ATP13A2: variants seen among roughly 807,000 people sequenced by gnomAD.
The protein encoded by ATP13A2 is ATPase cation transporting 13A2.
Under a neutral mutation model 138.3 loss-of-function variants are expected in ATP13A2, and 83 were observed. The ratio of observed to expected loss-of-function variants is 0.60; its 90% CI spans 0.50 to 0.72. ATP13A2 has a LOEUF of 0.72. ATP13A2 is among the 30% of genes least tolerant of loss of function. The pLI, the probability that ATP13A2 is intolerant of heterozygous loss-of-function variation, is 0.00. For synonymous variants in ATP13A2, 663 were observed against 699.0 expected (o/e 0.95, Z 0.81); for missense variants, 1,402 against 1,606.4 (o/e 0.87, Z 2.17).
At chr1:16,991,898 G>C (rs1475027417) in intron 19 of ATP13A2, 40 bp from the exon 20 acceptor site, 17 of 1,613,210 alleles carry the variant, frequency 1.1e-5, no homozygotes, top group Non-Finnish European at 1.4e-5. Context: ...TCATGCAGTG[G>C]CCAGGGCCCC....
chr1:17,007,787 G>A lies in ATP13A2; in HGVS notation c.11-2009C>T, dbSNP rs1183815548. On this transcript the variant is annotated intron_variant, in intron 1 of 28. Transcript: ENST00000326735. ...AGGATGGTCTCGATCTCCCGACCTCGTGATCCGCCCGCCTCGGCCTCCCAA... is the reference window on the plus strand; with the variant it reads ...AGGATGGTCTCGATCTCCCGACCTCATGATCCGCCCGCCTCGGCCTCCCAA... Among the ~76,000 whole-genome samples, 6 of 151,918 alleles carry A rather than the reference G, an allele frequency of 3.9e-5. No individual in the cohort carries two copies. In the South Asian group the frequency reaches 8.3e-4, roughly 21 times the overall value.
At position 16,992,312 on chromosome 1, in the gene ATP13A2, C is replaced by T. The variant is rs1294043767; in HGVS notation, c.1936G>A (p.Ala646Thr). 5.0e-6 allele frequency: 8 copies of T among 1,612,218 alleles called. No homozygotes were observed. In the Admixed American group the frequency reaches 1.0e-4, roughly 20 times the overall value. The change falls in exon 18 of 29, where the codon GCC becomes ACC. Residue 646 changes from alanine (A) to threonine (T), a missense_variant. Coordinates refer to ENST00000326735, the MANE Select transcript of ATP13A2 (RefSeq NM_022089.4). Reference protein sequence around the residue: ...RMSVVVAWPGATQPEAYVKGS... With the variant: ...RMSVVVAWPGTTQPEAYVKGS... ...TTGACGTAGGCCTCGGGCTGAGTGG[C>T]CCCTGGCCACGCCACCACCACACTC...
At position 16,986,262 on chromosome 1, in the gene ATP13A2, C is replaced by T. The variant is rs1373598537; in HGVS notation, c.3502G>A (p.Glu1168Lys). 7 of 1,607,790 alleles carry T rather than the reference C, an allele frequency of 4.4e-6. No homozygotes were observed. In the East Asian group the frequency reaches 6.7e-5, roughly 15 times the overall value. ...RFKQLERELAEQPWPPLPAGP... is the reference protein window; with the variant it reads ...RFKQLERELAKQPWPPLPAGP... ...GCGGGCAGCGGCGGCCAGGGCTGCT[C>T]GGCCAGCTCTCGTTCCAGCTGCTTG... The change falls in exon 29 of 29, where the codon GAG (glutamate) becomes AAG (lysine). Residue 1168 changes from glutamate (E) to lysine (K), a missense_variant. Coordinates refer to ENST00000326735, the MANE Select transcript of ATP13A2 (RefSeq NM_022089.4). This position sits in a 1 kb window ranked among gnomAD's most constrained non-coding sequence, Gnocchi z 6.9.
intron 1 of ATP13A2, among the ~76,000 whole-genome samples, chr1:17,010,357 C>T (rs113959843): frequency 5.3e-5 from 8 of 152,266 alleles, no homozygotes; most frequent in South Asian, 4.2e-4. Context: ...GGATTACAGG[C>T]GTGAGCCACC....
In ATP13A2 at chr1:16,987,236, C is replaced by T. The variant is rs1238452991; in HGVS notation, c.2893G>A (p.Ala965Thr). 1 of 1,613,834 alleles carries T rather than the reference C, an allele frequency of 6.2e-7. No individual in the cohort carries two copies. ...NTNLGDLQFL[A>T]IDLVITTTVA... ...GTGGTGGTGATGACCAGGTCGATGG[C>T]CAGGAACTGCAGGTCACCCAGGTTG... The change falls in exon 26 of 29, where the codon GCC (alanine) becomes ACC (threonine). Residue 965 changes from alanine to threonine, a missense_variant. Ala to Thr is a moderately conservative substitution (Grantham distance 58). Transcript: ENST00000326735.
intron 6 of ATP13A2, 104 bp from the exon 7 acceptor site, chr1:17,002,477 G>T (rs1002546231): frequency 1.5e-5 from 20 of 1,349,302 alleles, no homozygotes; most frequent in Non-Finnish European, 2.0e-5. Flanking sequence ...CCCCATCCCC[G>T]TTCTGCCACA....
intron 15 of ATP13A2, among the ~76,000 whole-genome samples, chr1:16,994,271 C>T (rs1369089073): frequency 1.3e-5 from 2 of 151,608 alleles, no homozygotes; most frequent in East Asian, 1.9e-4. Flanking sequence ...CTTGCTCTGT[C>T]GCCCGCGCTG....
chr1:16,987,346 A>C, intron 25 of ATP13A2, 77 bp from the exon 26 acceptor site: 2 of 1,366,716 alleles, frequency 1.5e-6, no homozygotes, highest in Non-Finnish European at 2.1e-6. Context: ...CAGAGGCCCC[A>C]CCCCTGCCCC....
chr1:16,994,256 G>A (rs181881073), intron 15 of ATP13A2, among the ~76,000 whole-genome samples: 1 of 151,220 alleles, frequency 6.6e-6, no homozygotes, highest in East Asian at 1.9e-4. Context: ...TTTTTGAGAT[G>A]GAGTCTTGCT....
chr1:16,990,010 G>A lies in ATP13A2; in HGVS notation c.2413-7C>T, dbSNP rs1294431660. On this transcript the variant is annotated splice_region_variant and splice_polypyrimidine_tract_variant and intron_variant, in intron 21 of 28. Coordinates refer to ENST00000326735, the MANE Select transcript of ATP13A2 (RefSeq NM_022089.4). ...TTGCAGCCTGGTCAGGATCCTGGGG[G>A]CCCAGGAAGCTCAGCTTAGCTCCCC... The A allele has an allele frequency of 6.2e-7, 1 of 1,612,364 alleles. No individual in the cohort carries two copies. Among genetic ancestry groups the A allele is most frequent in the Non-Finnish European group, 8.5e-7 (1 of 1,179,132 alleles).
chr1:17,001,097 T>C (rs1317250714), intron 8 of ATP13A2, among the ~76,000 whole-genome samples: 1 of 151,998 alleles, frequency 6.6e-6, no homozygotes, highest in African/African-American at 2.4e-5. Flanking sequence ...AACCAAGGCA[T>C]GGACAGGTGA....
chr1:17,000,338 T>C (rs1164874336), intron 9 of ATP13A2, 26 bp from the exon 10 acceptor site: 1 of 1,584,982 alleles, frequency 6.3e-7, no homozygotes, highest in African/African-American at 1.3e-5. Flanking sequence ...AAGAGGGCCG[T>C]GAGTGGGTGG....
At chr1:17,000,941 CA>C (rs993624748) in intron 8 of ATP13A2, 61 of 189,420 alleles carry the variant, frequency 3.2e-4, no homozygotes, top group African/African-American at 5.4e-4. Flanking sequence ...GACCCTGTCT[CA>C]AAAAAAATAA....
intron 20 of ATP13A2, among the ~76,000 whole-genome samples, chr1:16,991,171 G>C (rs1308535376): frequency 6.6e-6 from 1 of 152,052 alleles, no homozygotes; most frequent in African/African-American, 2.4e-5. Flanking sequence ...GGTTGGTCTC[G>C]AACTCCTGAC....
At position 17,000,501 on chromosome 1, in the gene ATP13A2, T is replaced by C; in HGVS notation, c.739A>G (p.Ser247Gly). ...LNPYYGFQAF[S>G]IALWLADHYY... is the part of the protein sequence containing the mutation. Reference sequence around the variant, plus strand: ...TGGTCAGCCAGCCACAGCGCGATGCTGAAGGCCTGGAACCCATAGTAGGGG... The same window carrying C: ...TGGTCAGCCAGCCACAGCGCGATGCCGAAGGCCTGGAACCCATAGTAGGGG... The change falls in exon 9 of 29, where the codon AGC becomes GGC. Residue 247 changes from serine (S) to glycine (G), a missense_variant. By Grantham distance (56) the Ser-to-Gly change is moderately conservative (BLOSUM62 0). Coordinates refer to ENST00000326735, the MANE Select transcript of ATP13A2 (RefSeq NM_022089.4). The C allele has an allele frequency of 1.2e-6, 2 of 1,614,018 alleles. No individual in the cohort carries two copies. Among genetic ancestry groups the C allele is most frequent in the Non-Finnish European group, 1.7e-6 (2 of 1,179,956 alleles).
intron 8 of ATP13A2, chr1:17,000,778 CA>C (rs988332591): frequency 3.9e-6 from 2 of 513,530 alleles, no homozygotes; most frequent in Non-Finnish European, 6.9e-6. Flanking sequence ...CCCATATCTA[CA>C]AAAAATACAA....
In ATP13A2 at chr1:16,995,849, G is replaced by T. The variant is rs1448909351; in HGVS notation, c.1542+127C>A. ...GTGGGATGGGGTGGATCCTCTGGGG[G>T]TTTCCATCCCTAGACAGGACCTGGC... On this transcript the variant is annotated intron_variant, in intron 15 of 28. Coordinates refer to ENST00000326735, the MANE Select transcript of ATP13A2 (RefSeq NM_022089.4). This position sits in a 1 kb window ranked among gnomAD's most constrained non-coding sequence, Gnocchi z 4.1. 1 of 1,182,898 alleles carries T rather than the reference G, an allele frequency of 8.5e-7. No homozygotes were observed. The highest frequency in any genetic ancestry group is 2.0e-5 in the Admixed American group (1 of 50,710). The allele number at this position is 1,182,898 out of a possible 1,614,324, so 73.3% of individuals were successfully genotyped here.
rs1196631888 is a variant in ATP13A2 at position 16,996,396 on chromosome 1, G to A, written c.1296C>T (p.Leu432=). The A allele has an allele frequency of 2.0e-5, 33 of 1,614,012 alleles. No individual in the cohort carries two copies. Among genetic ancestry groups the A allele is most frequent in the Non-Finnish European group, 2.5e-5 (30 of 1,180,022 alleles). ...YKHSMKFVAA[L]SVLALLGTIY... The stretch of plus-strand genomic sequence containing the variant: ...CAGGGGGCCACTCACCCAGGACAGA[G>A]AGGGCAGCCACAAACTTCATGCTGT... The change falls in exon 13 of 29, where the codon CTC becomes CTT. Residue 432 remains leucine, a synonymous_variant. Coordinates refer to ENST00000326735, the MANE Select transcript of ATP13A2 (RefSeq NM_022089.4).
intron 21 of ATP13A2, 43 bp downstream of exon 21, chr1:16,990,084 G>T (rs752965372): frequency 6.2e-7 from 1 of 1,613,886 alleles, no homozygotes. Flanking sequence ...ACAGGGGTGG[G>T]GTCACTGGGT....
Sources: allele counts gnomAD v4.1 joint callset (sites outside exome capture counted in the v4.1 genomes callset), GRCh38; gene constraint gnomAD v4.1.1; non-coding constraint Gnocchi (gnomAD v3.1); transcripts MANE v1.5; gene names NCBI Gene and HGNC (gene_info 2026-07-23, HGNC 2026-07-21).